Variants in BBS9 observed in about 807,000 individuals in gnomAD.
BBS9 encodes Bardet-Biedl syndrome 9, also known as protein PTHB1.
BBS9 carries 89 observed loss-of-function variants against 117.7 expected under a neutral mutation model. The ratio of observed to expected loss-of-function variants is 0.76; its 90% CI spans 0.64 to 0.90. BBS9 has a LOEUF of 0.90. BBS9 is among the 40% of genes least tolerant of loss of function. BBS9 has a pLI of 0.00. For missense variants in BBS9, 982 were observed against 1,042.2 expected (o/e 0.94, Z 0.80); for synonymous variants, 379 against 370.9 (o/e 1.02, Z -0.25).
chr7:33,405,465 A>G (rs1829756703), intron 19 of BBS9, among the ~76,000 whole-genome samples: 2 of 152,224 alleles, frequency 1.3e-5, no homozygotes, highest in Non-Finnish European at 2.9e-5. Flanking sequence ...CTGTGAATCC[A>G]TCTGGTCGTG....
At chr7:33,404,255 T>G (rs1829502021) in intron 19 of BBS9, among the ~76,000 whole-genome samples, 1 of 152,110 alleles carries the variant, frequency 6.6e-6, no homozygotes, top group Admixed American at 6.5e-5. Flanking sequence ...AGCCTTGTAG[T>G]ATAGTTTGAA....
At chr7:33,495,485 G>C (rs1386305017) in intron 19 of BBS9, among the ~76,000 whole-genome samples, 1 of 152,192 alleles carries the variant, frequency 6.6e-6, no homozygotes, top group Non-Finnish European at 1.5e-5. Flanking sequence ...TGTTTTTGGA[G>C]AGTGATAACT....
chr7:33,625,785 G>T (rs1865609969), intron 21 of BBS9, among the ~76,000 whole-genome samples: 2 of 152,074 alleles, frequency 1.3e-5, no homozygotes, highest in Admixed American at 6.5e-5. Context: ...ATGCTTAACT[G>T]TTTACTTAGC....
At chr7:33,332,537 TG>T (rs1389171493) in intron 9 of BBS9, among the ~76,000 whole-genome samples, 3 of 151,752 alleles carry the variant, frequency 2.0e-5, no homozygotes, top group African/African-American at 7.3e-5. Context: ...ATTAGCTGGG[TG>T]TGGTGGCAGG....
chr7:33,561,753 C>T (rs1192720687), intron 21 of BBS9, among the ~76,000 whole-genome samples: 1 of 152,118 alleles, frequency 6.6e-6, no homozygotes, highest in African/African-American at 2.4e-5. Context: ...AGGAAAAATG[C>T]TTTAATTTGT....
At chr7:33,292,147 G>T (rs146407524) in intron 9 of BBS9, among the ~76,000 whole-genome samples, 1 of 152,276 alleles carries the variant, frequency 6.6e-6, no homozygotes, top group East Asian at 1.9e-4. Context: ...TTAGAAGAGG[G>T]TTCAAAGTCA....
intron 9 of BBS9, among the ~76,000 whole-genome samples, chr7:33,324,117 C>A (rs148339525): frequency 0.016 from 2,366 of 152,180 alleles, 25 homozygotes; most frequent in Non-Finnish European, 0.023. Context: ...GGATTACAGG[C>A]ATGAGCCACC....
intron 18 of BBS9, 27 bp downstream of exon 18, chr7:33,383,865 C>T (rs756107816): frequency 6.3e-6 from 10 of 1,597,112 alleles, no homozygotes; most frequent in Non-Finnish European, 7.7e-6. Flanking sequence ...CCCACATCAT[C>T]TATAATCCTT....
rs562018382 is a variant in BBS9 at position 33,159,435 on chromosome 7, G to A, written c.328+3733G>A. On this transcript the variant is annotated intron_variant, in intron 4 of 22. Transcript: ENST00000242067. ...GAAAAACAAAACCTGGTCTGTTCTA[G>A]GAGCTTTGTGTTTCCTTAAGATCTT... Among the ~76,000 whole-genome samples, 30 of 152,302 alleles carry A rather than the reference G, an allele frequency of 2.0e-4. 1 individual carries two copies. In the South Asian group the frequency reaches 6.0e-3, roughly 31 times the overall value.
At chr7:33,361,579 A>G (rs940437592) in intron 16 of BBS9, among the ~76,000 whole-genome samples, 2 of 152,156 alleles carry the variant, frequency 1.3e-5, no homozygotes, top group African/African-American at 4.8e-5. Flanking sequence ...AGCTGGATTC[A>G]TTAAATCTTT....
intron 17 of BBS9, among the ~76,000 whole-genome samples, chr7:33,369,315 A>C (rs1242431299): frequency 6.6e-6 from 1 of 152,154 alleles, no homozygotes; most frequent in African/African-American, 2.4e-5. Flanking sequence ...ACCATTAAAA[A>C]AGGCAAAAAT....
At chr7:33,294,355 CTTT>C (rs1419420613) in intron 9 of BBS9, among the ~76,000 whole-genome samples, 45 of 135,186 alleles carry the variant, frequency 3.3e-4, no homozygotes, top group Middle Eastern at 3.6e-3. Flanking sequence ...CTATCTATCT[CTTT>C]GTCCATCCAT....
At chr7:33,509,504 A>G (rs1385586987) in intron 20 of BBS9, among the ~76,000 whole-genome samples, 1 of 152,190 alleles carries the variant, frequency 6.6e-6, no homozygotes, top group East Asian at 1.9e-4. Flanking sequence ...TACCACAAAA[A>G]TCTGAATGTA....
intron 10 of BBS9, among the ~76,000 whole-genome samples, chr7:33,337,676 G>A (rs778023115): frequency 4.6e-5 from 7 of 152,078 alleles, no homozygotes; most frequent in African/African-American, 7.2e-5. Context: ...TGTTGTCAGC[G>A]CTGCCATGTC....
At chr7:33,324,810 G>C (rs927266487) in intron 9 of BBS9, among the ~76,000 whole-genome samples, 3 of 151,948 alleles carry the variant, frequency 2.0e-5, no homozygotes, top group African/African-American at 7.3e-5. Flanking sequence ...ACTCTCTCCT[G>C]GCTTGTAAAG....
intron 4 of BBS9, among the ~76,000 whole-genome samples, chr7:33,174,139 T>A (rs186773737): frequency 2.0e-5 from 3 of 152,180 alleles, no homozygotes; most frequent in Non-Finnish European, 4.4e-5. Context: ...CAAACCCAGT[T>A]TGGATCAGAA....
intron 20 of BBS9, among the ~76,000 whole-genome samples, chr7:33,528,490 G>A (rs1341693764): frequency 6.6e-6 from 1 of 151,866 alleles, no homozygotes; most frequent in African/African-American, 2.4e-5. Flanking sequence ...AGGTTTGTAG[G>A]AGTTTATAAT....
At chr7:33,147,249 G>A (rs1024122909) in intron 2 of BBS9, among the ~76,000 whole-genome samples, 3 of 150,886 alleles carry the variant, frequency 2.0e-5, no homozygotes, top group African/African-American at 4.8e-5. Context: ...TTGGTTTATA[G>A]TCATGGGCTT....
chr7:33,163,990 A>G (rs1795269960), intron 4 of BBS9, among the ~76,000 whole-genome samples: 1 of 152,164 alleles, frequency 6.6e-6, no homozygotes, highest in Non-Finnish European at 1.5e-5. Flanking sequence ...TTCCCTCTAC[A>G]CACTGCTTTA....
Sources: gnomAD v4.1 joint callset for allele counts (sites outside exome capture counted in the v4.1 genomes callset) on GRCh38, gnomAD v4.1.1 for gene constraint, MANE v1.5 for transcripts, NCBI Gene and HGNC (gene_info 2026-07-23, HGNC 2026-07-21) for gene names.